FARP2: variants seen among roughly 807,000 people sequenced by gnomAD.
The protein encoded by FARP2 is FERM, ARH/RhoGEF and pleckstrin domain protein 2.
Under a neutral mutation model 130.5 loss-of-function variants are expected in FARP2, and 111 were observed. That is an observed-to-expected ratio of 0.85 (90% CI 0.73 to 1.00). FARP2 has a LOEUF of 1.00. Ranked by LOEUF, FARP2 falls within the 50% of genes least tolerant of loss-of-function variation. The probability of loss-of-function intolerance (pLI) is 0.00; values close to 1 mark genes in which losing one functional copy is unlikely to be tolerated. For missense variants in FARP2, 1,385 were observed against 1,346.3 expected (o/e 1.03, Z -0.45); for synonymous variants, 504 against 516.9 (o/e 0.98, Z 0.34).
intron 13 of FARP2, 168 bp downstream of exon 13, chr2:241,441,724 G>GCTCCCCACC: frequency 8.8e-6 from 9 of 1,023,964 alleles, no homozygotes; most frequent in African/African-American, 1.6e-5. Flanking sequence ...TCCTTCCGGT[G>GCTCCCCACC]GGGAGCACCG....
intron 21 of FARP2, chr2:241,489,225 TGGGGACAGAGAA>T (rs2064834973): frequency 1.3e-5 from 2 of 152,268 alleles, no homozygotes; most frequent in Admixed American, 6.5e-5. Flanking sequence ...TGGCTGGTCC[TGGGGACAGAGAA>T]CTGGCCCTCG....
chr2:241,465,521 A>T (rs1464710526), intron 17 of FARP2: 3 of 1,550,604 alleles, frequency 1.9e-6, no homozygotes, highest in East Asian at 2.4e-5. Context: ...ACTTTTGGAT[A>T]GGCAGGGGCA....
rs149341620 is a variant in FARP2, at chr2:241,410,938, A to C, written c.411-95A>C. 2.7e-3 allele frequency: 2,388 copies of C among 873,098 alleles called. 24 individuals are homozygous for C. Among genetic ancestry groups the C allele is most frequent in the Middle Eastern group, 0.017 (78 of 4,600 alleles). 54.1% of individuals were successfully genotyped at this position (873,098 alleles called of 1,614,324 possible). On this transcript the variant is annotated intron_variant, in intron 5 of 26. Transcript: ENST00000264042. ...CACTGTTGGGTCACTGCCACTTCCC[A>C]GGGCTCATTTGCTGTCTTGCTGTGG...
At chr2:241,416,262 C>A (rs1214373934) in intron 7 of FARP2, among the ~76,000 whole-genome samples, 1 of 151,990 alleles carries the variant, frequency 6.6e-6, no homozygotes, top group Non-Finnish European at 1.5e-5. Context: ...CCGCTAAAAA[C>A]CCTAGAAAGC....
At chr2:241,397,201 G>A (rs891372842) in intron 2 of FARP2, among the ~76,000 whole-genome samples, 1 of 152,142 alleles carries the variant, frequency 6.6e-6, no homozygotes, top group African/African-American at 2.4e-5. Flanking sequence ...AGGGGAGGGA[G>A]GAGGGATAGC....
intron 18 of FARP2, among the ~76,000 whole-genome samples, chr2:241,470,061 C>A (rs1027046922): frequency 6.6e-6 from 1 of 152,186 alleles, no homozygotes; most frequent in African/African-American, 2.4e-5. Context: ...CTCCATGACC[C>A]CACTCTCCAA....
At chr2:241,474,080 G>A (rs1425048339) in intron 18 of FARP2, among the ~76,000 whole-genome samples, 1 of 152,044 alleles carries the variant, frequency 6.6e-6, no homozygotes, top group Admixed American at 6.6e-5. Context: ...GCCGAGGCTG[G>A]CAGATCACGA....
chr2:241,461,283 C>G (rs1321794721), intron 14 of FARP2, among the ~76,000 whole-genome samples: 1 of 152,128 alleles, frequency 6.6e-6, no homozygotes, highest in Non-Finnish European at 1.5e-5. Context: ...CCCCTCCGCG[C>G]CCCCCAAGCC....
intron 18 of FARP2, among the ~76,000 whole-genome samples, chr2:241,474,483 G>T (rs906616454): frequency 6.7e-6 from 1 of 150,098 alleles, no homozygotes; most frequent in Non-Finnish European, 1.5e-5. Flanking sequence ...ATAAGAGGGA[G>T]TCATGATAGA....
intron 13 of FARP2, among the ~76,000 whole-genome samples, chr2:241,448,255 A>G (rs901430602): frequency 7.9e-5 from 12 of 152,052 alleles, no homozygotes; most frequent in African/African-American, 2.9e-4. Context: ...ACCCCTGCCC[A>G]GCATCCGCTG....
In FARP2 at chr2:241,491,079, G is replaced by A. The variant is rs761200903; in HGVS notation, c.2523G>A (p.Glu841=). 5.0e-6 allele frequency: 8 copies of A among 1,613,534 alleles called. No individual in the cohort carries two copies. In the South Asian group the frequency reaches 5.5e-5, roughly 11 times the overall value. The change falls in exon 23 of 27, where the codon GAG becomes GAA. Residue 841 remains glutamate, a synonymous_variant. Coordinates refer to ENST00000264042, the MANE Select transcript of FARP2 (RefSeq NM_014808.4). Reference sequence around the variant, plus strand: ...CCTGCAGCACTCGGCTGGAGAAAGAGAAGTGGATGCTGGACCTGAACTCCG... The same window carrying A: ...CCTGCAGCACTCGGCTGGAGAAAGAAAAGTGGATGCTGGACCTGAACTCCG... ...VVAASTRLEK[E]KWMLDLNSAI... is the part of the protein sequence containing the mutation.
At chr2:241,400,421 A>G (rs769253021) in intron 2 of FARP2, among the ~76,000 whole-genome samples, 16 of 152,184 alleles carry the variant, frequency 1.1e-4, no homozygotes, top group Non-Finnish European at 2.1e-4. Flanking sequence ...TAAACTTGCC[A>G]TCTGGTAGGA....
At chr2:241,382,768 C>T (rs79007461) in intron 2 of FARP2, among the ~76,000 whole-genome samples, 6,887 of 152,214 alleles carry the variant, frequency 0.045, 561 homozygotes, top group Admixed American at 0.19. Flanking sequence ...ATTTCTCTCA[C>T]CTTTATGGAC....
intron 2 of FARP2, among the ~76,000 whole-genome samples, chr2:241,400,518 T>G (rs537307484): frequency 1.1e-4 from 16 of 152,264 alleles, no homozygotes; most frequent in African/African-American, 3.4e-4. Flanking sequence ...GGTGTGTAAT[T>G]AGGTAGAATT....
intron 1 of FARP2, among the ~76,000 whole-genome samples, chr2:241,366,396 T>G (rs1490136175): frequency 6.6e-6 from 1 of 151,818 alleles, no homozygotes; most frequent in Non-Finnish European, 1.5e-5. Context: ...AAAATCAGGA[T>G]ACCAGGTTGT....
chr2:241,405,415 A>T (rs192534514), intron 4 of FARP2: 1 of 152,254 alleles, frequency 6.6e-6, no homozygotes, highest in African/African-American at 2.4e-5. Flanking sequence ...ATGTAGTAGC[A>T]CTTCTCAGTT....
chr2:241,463,157 A>G (rs1034638002), intron 15 of FARP2, among the ~76,000 whole-genome samples, 178 bp from the exon 16 acceptor site: 4 of 152,206 alleles, frequency 2.6e-5, no homozygotes, highest in African/African-American at 9.7e-5. Flanking sequence ...TAGTTTCATT[A>G]TATTTGAAAA....
At chr2:241,442,190 G>C in intron 13 of FARP2, 1 of 455,254 alleles carries the variant, frequency 2.2e-6, no homozygotes, top group South Asian at 1.6e-5. Flanking sequence ...ATGCCACTAC[G>C]TGGTGGGCTG....
At chr2:241,490,919 G>C in intron 22 of FARP2, 142 bp from the exon 23 acceptor site, 1 of 700,774 alleles carries the variant, frequency 1.4e-6, no homozygotes, top group South Asian at 1.7e-5. Flanking sequence ...TCGCTGGAGG[G>C]GACACGTTTC....
Sources: gnomAD v4.1 joint callset for allele counts (sites outside exome capture counted in the v4.1 genomes callset) on GRCh38, gnomAD v4.1.1 for gene constraint, MANE v1.5 for transcripts, NCBI Gene and HGNC (gene_info 2026-07-23, HGNC 2026-07-21) for gene names.